The following GSG1 variants were observed in gnomAD, a reference collection of about 807,000 sequenced individuals.
The protein encoded by GSG1 is germ cell associated 1, also known as germ cell-specific gene 1 protein.
In GSG1, 28 loss-of-function variants were observed where a neutral mutation model predicts 30.8. The ratio of observed to expected loss-of-function variants is 0.91; its 90% confidence interval spans 0.67 to 1.25. The LOEUF is 1.25. GSG1 is among the 50% of genes most tolerant of loss of function. The probability of loss-of-function intolerance (pLI) is 0.00; values close to 1 mark genes in which losing one functional copy is unlikely to be tolerated. For synonymous variants in GSG1, 162 were observed against 178.0 expected (o/e 0.91, Z 0.71); for missense variants, 435 against 444.7 (o/e 0.98, Z 0.20).
At chr12:13,100,352 C>A (rs924627787) in intron 1 of GSG1, among the ~76,000 whole-genome samples, 1 of 152,210 alleles carries the variant, frequency 6.6e-6, no homozygotes, top group Non-Finnish European at 1.5e-5. Context: ...CTAAGCCTTT[C>A]CAGGCAGATG....
chr12:13,103,487 T>C lies in GSG1; in HGVS notation c.26A>G (p.Gln9Arg). The change falls in exon 1 of 7, where the codon CAA (glutamine) becomes CGA (arginine). Residue 9 changes from glutamine to arginine, a missense_variant. Physicochemically the swap from Gln to Arg is conservative, Grantham distance 43. Coordinates refer to ENST00000651961, the MANE Select transcript of GSG1 (RefSeq NM_001080555.4). ...TACCTCCTGGGTGAGGCAAACATTT[T>C]GAGTCAGTTGAGAGGGATCGCTCAT... is the stretch of plus-strand genomic sequence containing the variant. MSDPSQLT[Q>R]NVCLTQEMEL... The C allele has an allele frequency of 6.2e-7, 1 of 1,614,012 alleles. No homozygotes were observed. The highest frequency in any genetic ancestry group is 8.5e-7 in the Non-Finnish European group (1 of 1,179,862).
chr12:13,084,084 G>A lies in GSG1; in HGVS notation c.*817C>T, dbSNP rs1458262764. The stretch of plus-strand genomic sequence containing the variant: ...ATGGCTGGGTCAAATGGTATTTCTA[G>A]GTCTAGATTCTTGAGGAATCAGATG... On this transcript the variant is annotated 3_prime_UTR_variant, in exon 7 of 7. Coordinates refer to ENST00000651961, the MANE Select transcript of GSG1 (RefSeq NM_001080555.4). 6.6e-6 allele frequency: 1 copy of A among 151,850 alleles called. No homozygotes were observed. The highest frequency in any genetic ancestry group is 1.5e-5 in the Non-Finnish European group (1 of 67,950). 9.4% of individuals were successfully genotyped at this position (151,850 alleles called of 1,614,324 possible).
intron 6 of GSG1, among the ~76,000 whole-genome samples, chr12:13,086,430 G>A (rs1162442047): frequency 1.3e-5 from 2 of 152,214 alleles, no homozygotes; most frequent in Non-Finnish European, 2.9e-5. Context: ...TGTCTTTTCA[G>A]TGCTCTCAAA....
In GSG1 at chr12:13,093,426, C is replaced by T. The variant is rs939719377; in HGVS notation, c.49-2608G>A. On this transcript the variant is annotated intron_variant, in intron 1 of 6. Transcript: ENST00000651961. This position sits in a 1 kb window ranked among gnomAD's most constrained non-coding sequence, Gnocchi z 4.6. ...CAATGAATATTAAACTGGAAATCTCCGGGGGAAGCAGATGGATGCTTTGGG... is the reference window on the plus strand; with the variant it reads ...CAATGAATATTAAACTGGAAATCTCTGGGGGAAGCAGATGGATGCTTTGGG... Among the ~76,000 whole-genome samples, 7 of 152,058 alleles carry T rather than the reference C, an allele frequency of 4.6e-5. No individual in the cohort carries two copies. The highest frequency in any genetic ancestry group is 1.4e-4 in the African/African-American group (6 of 41,380).
chr12:13,090,484 A>G lies in GSG1; in HGVS notation c.364+19T>C, dbSNP rs1309649781. 4.4e-6 allele frequency: 7 copies of G among 1,594,964 alleles called. No homozygotes were observed. The African/African-American group carries it at 9.4e-5, about 21-fold the overall frequency. Reference sequence around the variant, plus strand: ...CCCGCCCTGACCCCGTTGCTCTTATATCCCAGAATGTAGGCTACCTGGTTC... The same window carrying G: ...CCCGCCCTGACCCCGTTGCTCTTATGTCCCAGAATGTAGGCTACCTGGTTC... On this transcript the variant is annotated intron_variant, in intron 2 of 6. Coordinates refer to ENST00000651961, the MANE Select transcript of GSG1 (RefSeq NM_001080555.4).
At position 13,090,801 on chromosome 12, in the gene GSG1, G is replaced by A. The variant is rs1475764471; in HGVS notation, c.66C>T (p.Ala22=). 1 of 1,611,830 alleles carries A rather than the reference G, an allele frequency of 6.2e-7. No individual in the cohort carries two copies. Among genetic ancestry groups the A allele is most frequent in the Admixed American group, 1.7e-5 (1 of 59,912 alleles). ...ATAGGAGTGTCCGCTGGCCAGAGAA[G>A]GCCTTCGAGAGCTCCATCTGTAATA... The part of the protein sequence containing the change: ...CLTQEMELSK[A]FSGQRTLLSA... Residue 22 remains alanine (A), a synonymous_variant, in exon 2 of 7, where the codon GCC becomes GCT. Coordinates refer to ENST00000651961, the MANE Select transcript of GSG1 (RefSeq NM_001080555.4).
chr12:13,092,465 C>T (rs1377515041), intron 1 of GSG1, among the ~76,000 whole-genome samples: 1 of 152,202 alleles, frequency 6.6e-6, no homozygotes, highest in Non-Finnish European at 1.5e-5. Context: ...AGGCTCACCC[C>T]AAGTCCCAAC....
At position 13,101,453 on chromosome 12, in the gene GSG1, C is replaced by T. The variant is rs1215508559; in HGVS notation, c.48+2012G>A. On this transcript the variant is annotated intron_variant, in intron 1 of 6. Coordinates refer to ENST00000651961, the MANE Select transcript of GSG1 (RefSeq NM_001080555.4). The surrounding 1 kb of genome is among the most constrained non-coding windows in gnomAD (Gnocchi z 5.8). ...GGGCTGTTTCTTCCTCTGGGTCTTC[C>T]TCCGTCGGTTGAGAACGGTGTCCCG... Among the ~76,000 whole-genome samples the T allele has an allele frequency of 1.3e-5, 2 of 152,244 alleles. No individual in the cohort carries two copies. Among genetic ancestry groups the T allele is most frequent in the African/African-American group, 2.4e-5 (1 of 41,462 alleles).
intron 1 of GSG1, among the ~76,000 whole-genome samples, chr12:13,099,129 G>A (rs987311240): frequency 1.3e-5 from 2 of 152,072 alleles, no homozygotes; most frequent in African/African-American, 4.8e-5. Flanking sequence ...CCTCCCCAAG[G>A]ACCCTGGGCC....
chr12:13,103,658 A>AGG lies in GSG1; in HGVS notation c.-148_-147dup. The AGG allele has an allele frequency of 1.2e-6, 1 of 856,952 alleles. No individual in the cohort carries two copies. Among genetic ancestry groups the AGG allele is most frequent in the South Asian group, 1.6e-5 (1 of 63,850 alleles). 53.1% of individuals were successfully genotyped at this position (856,952 alleles called of 1,614,324 possible). Reference sequence around the variant, plus strand: ...TAAGGTGGTGTGTGGTGGATTGGAGAGGATGTCCTGAGGGCCAGACACCAG... The same window carrying AGG: ...TAAGGTGGTGTGTGGTGGATTGGAGAGGGGATGTCCTGAGGGCCAGACACCAG... On this transcript the variant is annotated 5_prime_UTR_variant, in exon 1 of 7. Coordinates refer to ENST00000651961, the MANE Select transcript of GSG1 (RefSeq NM_001080555.4).
Position 13,085,085 on chromosome 12 carries a change from AGCCGCC to A in GSG1, c.899_904del (p.Arg300_Arg301del). On this transcript the variant is annotated inframe_deletion, in exon 7 of 7. Coordinates refer to ENST00000651961, the MANE Select transcript of GSG1 (RefSeq NM_001080555.4). ...ACCCACGGTGGGGGCTGCACTTGAC[AGCCGCC>A]GAGGGAAACACTGATGGTGATGTGG... 6.2e-7 allele frequency: 1 copy of A among 1,613,104 alleles called. No individual in the cohort carries two copies. The highest frequency in any genetic ancestry group is 1.1e-5 in the South Asian group (1 of 90,866).
At chr12:13,097,027 T>C (rs1358513447) in intron 1 of GSG1, among the ~76,000 whole-genome samples, 1 of 151,994 alleles carries the variant, frequency 6.6e-6, no homozygotes, top group Non-Finnish European at 1.5e-5. Context: ...GAGATGGAGG[T>C]TGCAGTGAGC....
intron 1 of GSG1, among the ~76,000 whole-genome samples, chr12:13,097,553 CT>C (rs1862824697): frequency 3.9e-5 from 6 of 152,112 alleles, no homozygotes; most frequent in Admixed American, 2.6e-4. Flanking sequence ...CTGCATTTGT[CT>C]GAAATGTAAC....
intron 1 of GSG1, among the ~76,000 whole-genome samples, chr12:13,099,745 T>TTTTTG (rs550137229): frequency 0.025 from 3,051 of 121,970 alleles, 40 homozygotes; most frequent in Non-Finnish European, 0.034. Context: ...CCGGTGTTTT[T>TTTTTG]TTTTGTTTTT....
At chr12:13,091,570 G>T (rs1866147224) in intron 1 of GSG1, among the ~76,000 whole-genome samples, 1 of 152,222 alleles carries the variant, frequency 6.6e-6, no homozygotes, top group African/African-American at 2.4e-5. Context: ...CGGGCACGGT[G>T]GCGCACGCCT....
At position 13,101,274 on chromosome 12, in the gene GSG1, C is replaced by T. The variant is rs956338091; in HGVS notation, c.48+2191G>A. ...CGCCCTCCCACCCTGATGAGTAACG[C>T]GCCGTCTCTCCCGTTTACTACGGCG... On this transcript the variant is annotated intron_variant, in intron 1 of 6. Transcript: ENST00000651961. This position sits in a 1 kb window ranked among gnomAD's most constrained non-coding sequence, Gnocchi z 5.8. Among the ~76,000 whole-genome samples, 6 of 152,154 alleles carry T rather than the reference C, an allele frequency of 3.9e-5. No individual in the cohort carries two copies. The highest frequency in any genetic ancestry group is 1.2e-4 in the African/African-American group (5 of 41,448).
intron 4 of GSG1, among the ~76,000 whole-genome samples, chr12:13,088,542 GT>G (rs759999402): frequency 4.6e-5 from 7 of 152,248 alleles, no homozygotes; most frequent in South Asian, 2.1e-4. Context: ...ACTGTTGGTG[GT>G]TTTCTATTTG....
chr12:13,089,207 C>G lies in GSG1; in HGVS notation c.433+1G>C, dbSNP rs769009711. The G allele has an allele frequency of 1.3e-6, 2 of 1,554,512 alleles. No individual in the cohort carries two copies. The highest frequency in any genetic ancestry group is 1.7e-6 in the Non-Finnish European group (2 of 1,148,532). ...TTAATGATCTTAGTGTTAACTAATA[C>G]CTTTTGCTGCCGCTGTACCACTGGA... On this transcript the variant is annotated splice_donor_variant, in intron 3 of 6. Coordinates refer to ENST00000651961, the MANE Select transcript of GSG1 (RefSeq NM_001080555.4). LOFTEE classifies it high-confidence loss of function.
chr12:13,086,712 G>A (rs77046222), intron 6 of GSG1, among the ~76,000 whole-genome samples: 14,615 of 151,100 alleles, frequency 0.097, 977 homozygotes, highest in Admixed American at 0.18. Flanking sequence ...GAAGTGAAGA[G>A]GAGAGGAGTA....
Sources: allele counts gnomAD v4.1 joint callset (sites outside exome capture counted in the v4.1 genomes callset), GRCh38; gene constraint gnomAD v4.1.1; non-coding constraint Gnocchi (gnomAD v3.1); transcripts MANE v1.5; gene names NCBI Gene and HGNC (gene_info 2026-07-23, HGNC 2026-07-21).